Variants in KIRREL3 observed in about 807,000 individuals in gnomAD.
KIRREL3 encodes the protein kin of IRRE-like protein 3.
In KIRREL3, 36 loss-of-function variants were observed where a neutral mutation model predicts 89.7. The ratio of observed to expected loss-of-function variants is 0.40; its 90% confidence interval spans 0.31 to 0.53. The LOEUF (loss-of-function observed/expected upper bound fraction) is 0.53. KIRREL3 is among the 20% of genes least tolerant of loss of function. KIRREL3 has a pLI of 0.49. For missense variants in KIRREL3, 864 were observed against 1,056.6 expected (o/e 0.82, Z 2.53); for synonymous variants, 445 against 441.4 (o/e 1.01, Z -0.10).
At chr11:126,861,236 C>T (rs572565306) in intron 1 of KIRREL3, among the ~76,000 whole-genome samples, 1 of 152,256 alleles carries the variant, frequency 6.6e-6, no homozygotes, top group African/African-American at 2.4e-5. Context: ...AGCACCCATG[C>T]AGGTGTCTGC....
chr11:126,749,204 T>C (rs1235167092), intron 1 of KIRREL3, among the ~76,000 whole-genome samples: 1 of 152,208 alleles, frequency 6.6e-6, no homozygotes, highest in Non-Finnish European at 1.5e-5. Context: ...TCCGTTCATT[T>C]CGACTGTTTT....
At position 126,508,593 on chromosome 11, in the gene KIRREL3, T is replaced by C. The variant is rs6590213; in HGVS notation, c.433+12722A>G. Among the ~76,000 whole-genome samples, 1 of 151,934 alleles carries C rather than the reference T, an allele frequency of 6.6e-6. No homozygotes were observed. Among genetic ancestry groups the C allele is most frequent in the Non-Finnish European group, 1.5e-5 (1 of 67,980 alleles). On this transcript the variant is annotated intron_variant, in intron 4 of 16. Transcript: ENST00000525144. The surrounding 1 kb of genome is among the most constrained non-coding windows in gnomAD (Gnocchi z 4.9). ...TCCCAGGGGCTAGGAAGAAACCTGT[T>C]TCATAGTGATGATTTTAGGGGGAGT...
intron 6 of KIRREL3, among the ~76,000 whole-genome samples, chr11:126,461,509 C>T (rs953767494): frequency 2.0e-5 from 3 of 152,118 alleles, no homozygotes; most frequent in South Asian, 2.1e-4. Context: ...AGGGGTATGT[C>T]GGGGGTTGTA....
chr11:126,983,304 A>G lies in KIRREL3; in HGVS notation c.55+17151T>C, dbSNP rs1014980602. Among the ~76,000 whole-genome samples the G allele has an allele frequency of 9.2e-5, 14 of 152,198 alleles. No individual in the cohort carries two copies. The highest frequency in any genetic ancestry group is 2.7e-4 in the African/African-American group (11 of 41,450). On this transcript the variant is annotated intron_variant, in intron 1 of 16. Coordinates refer to ENST00000525144, the MANE Select transcript of KIRREL3 (RefSeq NM_032531.4). This position sits in a 1 kb window ranked among gnomAD's most constrained non-coding sequence, Gnocchi z 4.9. Reference sequence around the variant, plus strand: ...TGAGGCTGAGGCACAGATTTCTTACACAGAGAGGTAGGATAGGAAAGCCTA... The same window carrying G: ...TGAGGCTGAGGCACAGATTTCTTACGCAGAGAGGTAGGATAGGAAAGCCTA...
At chr11:126,839,206 G>T (rs1486394642) in intron 1 of KIRREL3, among the ~76,000 whole-genome samples, 2 of 152,102 alleles carry the variant, frequency 1.3e-5, no homozygotes, top group Non-Finnish European at 2.9e-5. Flanking sequence ...AACATGTATT[G>T]ATCATGTACA....
intron 1 of KIRREL3, among the ~76,000 whole-genome samples, chr11:126,957,391 A>G (rs1056328145): frequency 6.6e-6 from 1 of 152,212 alleles, no homozygotes; most frequent in Non-Finnish European, 1.5e-5. Flanking sequence ...CAGGGGTTAC[A>G]CATATGGTAT....
In KIRREL3 at chr11:126,652,895, T is replaced by C. The variant is rs1363959359; in HGVS notation, c.56-89983A>G. ...CCTCTGTTGCCAGTAGAAAAAGCCC[T>C]ACAAGGATTAATGCAAGAAGAAGTT... is the stretch of plus-strand genomic sequence containing the variant. On this transcript the variant is annotated intron_variant, in intron 1 of 16. Transcript: ENST00000525144. The surrounding 1 kb of genome is among the most constrained non-coding windows in gnomAD (Gnocchi z 4.9). 1.3e-5 allele frequency: 2 copies of C among 152,182 alleles called. No individual in the cohort carries two copies. Among genetic ancestry groups the C allele is most frequent in the Non-Finnish European group, 2.9e-5 (2 of 68,038 alleles). The allele number at this position is 152,182 out of a possible 1,614,324, so 9.4% of individuals were successfully genotyped here.
rs1304889445 is a variant in KIRREL3, at chr11:126,918,262, T to C, written c.55+82193A>G. ...GGGCCTCAGCAACATCCCCAGATGC[T>C]GGGCAGATCCAGTGAATTGCAAGTA... On this transcript the variant is annotated intron_variant, in intron 1 of 16. Coordinates refer to ENST00000525144, the MANE Select transcript of KIRREL3 (RefSeq NM_032531.4). The surrounding 1 kb of genome is among the most constrained non-coding windows in gnomAD (Gnocchi z 6.5). Among the ~76,000 whole-genome samples the C allele has an allele frequency of 6.6e-6, 1 of 152,184 alleles. No homozygotes were observed. Among genetic ancestry groups the C allele is most frequent in the Non-Finnish European group, 1.5e-5 (1 of 68,012 alleles).
rs559079288 is a variant in KIRREL3, at chr11:126,892,461, T to A, written c.55+107994A>T. 1.1e-4 allele frequency among the ~76,000 whole-genome samples: 17 copies of A among 152,266 alleles called. No individual in the cohort carries two copies. The highest frequency in any genetic ancestry group is 3.1e-4 in the African/African-American group (13 of 41,548). ...CTGGGAGAGGCACAAGTGGCAGCTTTTTTTTCTTGAAAAATCAGCTATTAT... is the reference window on the plus strand; with the variant it reads ...CTGGGAGAGGCACAAGTGGCAGCTTATTTTTCTTGAAAAATCAGCTATTAT... On this transcript the variant is annotated intron_variant, in intron 1 of 16. Transcript: ENST00000525144. The surrounding 1 kb of genome is among the most constrained non-coding windows in gnomAD (Gnocchi z 5.4).
chr11:126,529,742 T>C (rs149656519), intron 2 of KIRREL3, among the ~76,000 whole-genome samples: 313 of 152,154 alleles, frequency 2.1e-3, no homozygotes, highest in African/African-American at 6.9e-3. Context: ...TTACAAATTA[T>C]TATTTTTGGG....
chr11:126,931,358 C>T lies in KIRREL3; in HGVS notation c.55+69097G>A, dbSNP rs1053350456. Among the ~76,000 whole-genome samples the T allele has an allele frequency of 3.3e-5, 5 of 151,856 alleles. No individual in the cohort carries two copies. Among genetic ancestry groups the T allele is most frequent in the Admixed American group, 2.0e-4 (3 of 15,248 alleles). On this transcript the variant is annotated intron_variant, in intron 1 of 16. Coordinates refer to ENST00000525144, the MANE Select transcript of KIRREL3 (RefSeq NM_032531.4). This position sits in a 1 kb window ranked among gnomAD's most constrained non-coding sequence, Gnocchi z 5.1. Reference sequence around the variant, plus strand: ...CTTTCCTCCCTCCCTCCATACATTCCTTCTTTCCTTCCTTCCTCCCTACCC... The same window carrying T: ...CTTTCCTCCCTCCCTCCATACATTCTTTCTTTCCTTCCTTCCTCCCTACCC...
intron 1 of KIRREL3, among the ~76,000 whole-genome samples, chr11:126,770,146 G>T (rs947788746): frequency 1.3e-5 from 2 of 152,002 alleles, no homozygotes; most frequent in African/African-American, 4.8e-5. Flanking sequence ...AGCCTGAGTT[G>T]GGGGGGAATT....
At chr11:126,947,163 A>G (rs999518366) in intron 1 of KIRREL3, among the ~76,000 whole-genome samples, 1 of 152,062 alleles carries the variant, frequency 6.6e-6, no homozygotes, top group Non-Finnish European at 1.5e-5. Flanking sequence ...TGAGCCAACC[A>G]TCTCCATGGC....
Position 126,474,356 on chromosome 11 carries a change from C to T in KIRREL3, c.434-890G>A, listed in dbSNP as rs114014145. The stretch of plus-strand genomic sequence containing the variant: ...ACCCCAATGACACAGATCCGGAAGC[C>T]GAGTTCCAGCAAGATTAGTGACTGG... On this transcript the variant is annotated intron_variant, in intron 4 of 16. Coordinates refer to ENST00000525144, the MANE Select transcript of KIRREL3 (RefSeq NM_032531.4). The surrounding 1 kb of genome is among the most constrained non-coding windows in gnomAD (Gnocchi z 6.7). Among the ~76,000 whole-genome samples the T allele has an allele frequency of 4.6e-4, 70 of 152,298 alleles. No individual in the cohort carries two copies. The highest frequency in any genetic ancestry group is 1.4e-3 in the African/African-American group (58 of 41,558).
Position 126,597,303 on chromosome 11 carries a change from C to T in KIRREL3, c.56-34391G>A, listed in dbSNP as rs1352866254. On this transcript the variant is annotated intron_variant, in intron 1 of 16. Coordinates refer to ENST00000525144, the MANE Select transcript of KIRREL3 (RefSeq NM_032531.4). ...GGACACCAAAGGGCAGTGCCAGTAGCCCGCTGCAAGCTGACAAGGCTGAGT... is the reference window on the plus strand; with the variant it reads ...GGACACCAAAGGGCAGTGCCAGTAGTCCGCTGCAAGCTGACAAGGCTGAGT... 6.6e-5 allele frequency among the ~76,000 whole-genome samples: 10 copies of T among 152,350 alleles called. No individual in the cohort carries two copies. In the East Asian group the frequency reaches 1.9e-3, roughly 29 times the overall value.
At chr11:126,662,165 C>T (rs565454245) in intron 1 of KIRREL3, among the ~76,000 whole-genome samples, 2 of 152,158 alleles carry the variant, frequency 1.3e-5, no homozygotes, top group South Asian at 2.1e-4. Flanking sequence ...GTGTTTCTAT[C>T]GCTAGTCACA....
At position 126,911,955 on chromosome 11, in the gene KIRREL3, C is replaced by A. The variant is rs1946836112; in HGVS notation, c.55+88500G>T. ...CCGAGATGGCACCACTGCACTCCAG[C>A]CTGGGCGACAGAGCGAGACTCTGTC... is the stretch of plus-strand genomic sequence containing the variant. On this transcript the variant is annotated intron_variant, in intron 1 of 16. Coordinates refer to ENST00000525144, the MANE Select transcript of KIRREL3 (RefSeq NM_032531.4). Among the ~76,000 whole-genome samples, 9 of 137,614 alleles carry A rather than the reference C, an allele frequency of 6.5e-5. No homozygotes were observed. The South Asian group carries it at 2.1e-3, about 32-fold the overall frequency. The allele number at this position is 137,614 out of a possible 152,430, so 90.3% of individuals were successfully genotyped here. A position where few individuals can be genotyped will look rare whatever the true frequency, so the allele number is the denominator to read the frequency against.
chr11:126,463,298 G>A lies in KIRREL3; in HGVS notation c.601C>T (p.Arg201Trp), dbSNP rs747435837. Residue 201 changes from arginine (R) to tryptophan (W), a missense_variant, in exon 6 of 17, where the codon CGG becomes TGG. By Grantham distance (101) the Arg-to-Trp change is moderately radical (BLOSUM62 -3). Coordinates refer to ENST00000525144, the MANE Select transcript of KIRREL3 (RefSeq NM_032531.4). The surrounding 1 kb of genome is among the most constrained non-coding windows in gnomAD (Gnocchi z 5.9). ...ACGATGCTCTCCCGCTTGCCGTCCC[G>A]AAGCAGGGTCTTGGGAGAAAGGGAA... ...NGATYSKTLL[R>W]DGKRESIVST... 4.3e-6 allele frequency: 7 copies of A among 1,613,168 alleles called. No individual in the cohort carries two copies. The highest frequency in any genetic ancestry group is 2.2e-5 in the East Asian group (1 of 44,858).
intron 1 of KIRREL3, among the ~76,000 whole-genome samples, chr11:126,929,527 A>C (rs1947852080): frequency 7.2e-6 from 1 of 138,116 alleles, no homozygotes; most frequent in South Asian, 2.2e-4. Context: ...AGCAGAAAAC[A>C]AATAAAAATA....
Sources: gnomAD v4.1 joint callset for allele counts (sites outside exome capture counted in the v4.1 genomes callset) on GRCh38, gnomAD v4.1.1 for gene constraint, Gnocchi (gnomAD v3.1) non-coding constraint, MANE v1.5 for transcripts, NCBI Gene and HGNC (gene_info 2026-07-23, HGNC 2026-07-21) for gene names.